The following PDGFD variants were observed in gnomAD, a reference collection of about 807,000 sequenced individuals.
PDGFD encodes platelet derived growth factor D, also known as platelet-derived growth factor D.
In PDGFD, 30 loss-of-function variants were observed where a neutral mutation model predicts 44.7. The observed-to-expected ratio is 0.67, with a 90% CI of 0.50 to 0.91. The LOEUF (loss-of-function observed/expected upper bound fraction) is 0.91, where lower values mean the gene tolerates loss of function less well. Among genes scored for constraint, PDGFD ranks in the 40% least tolerant of loss-of-function variants. PDGFD has a pLI of 0.00. For synonymous variants in PDGFD, 173 were observed against 168.4 expected (o/e 1.03, Z -0.21); for missense variants, 445 against 457.8 (o/e 0.97, Z 0.25).
chr11:104,013,214 A>C (rs1280413053), intron 1 of PDGFD, among the ~76,000 whole-genome samples: 2 of 152,104 alleles, frequency 1.3e-5, no homozygotes, highest in Admixed American at 1.3e-4. Context: ...CCTGCTCCCC[A>C]TCCTGCTGAG....
intron 1 of PDGFD, among the ~76,000 whole-genome samples, chr11:104,110,550 A>T (rs922310617): frequency 6.6e-6 from 1 of 151,752 alleles, no homozygotes; most frequent in African/African-American, 2.4e-5. Context: ...AGGTCATACT[A>T]CATACTACAT....
intron 3 of PDGFD, among the ~76,000 whole-genome samples, chr11:103,995,445 A>G (rs959246747): frequency 1.3e-5 from 2 of 152,216 alleles, no homozygotes; most frequent in Admixed American, 6.5e-5. Context: ...AGTCAGAACC[A>G]TTTACAGTTG....
chr11:104,096,837 T>C (rs2515080), intron 1 of PDGFD, among the ~76,000 whole-genome samples: 107,190 of 152,026 alleles, frequency 0.71, 38,132 homozygotes, highest in East Asian at 0.98. Context: ...AGCTCCTTCT[T>C]CAAAGGGTAT....
chr11:103,933,965 T>C (rs572554260), intron 5 of PDGFD, among the ~76,000 whole-genome samples: 16 of 152,302 alleles, frequency 1.1e-4, no homozygotes, highest in African/African-American at 3.8e-4. Flanking sequence ...GTATAAAGCA[T>C]ATCTATGAAA....
At chr11:104,012,738 T>TGGGTTGGTGGGGCTCCACTTC (rs1440235533) in intron 1 of PDGFD, among the ~76,000 whole-genome samples, 3 of 152,244 alleles carry the variant, frequency 2.0e-5, no homozygotes, top group Admixed American at 2.0e-4. Flanking sequence ...ATGTCCACTT[T>TGGGTTGGTGGGGCTCCACTTC]GGGTTGGTGG....
At chr11:104,020,197 A>G (rs114563433) in intron 1 of PDGFD, among the ~76,000 whole-genome samples, 5,241 of 152,238 alleles carry the variant, frequency 0.034, 320 homozygotes, top group African/African-American at 0.12. Flanking sequence ...GGAGACATAT[A>G]CTTAATGCTG....
chr11:104,152,181 C>G (rs1862256563), intron 1 of PDGFD, among the ~76,000 whole-genome samples: 1 of 152,106 alleles, frequency 6.6e-6, no homozygotes, highest in Admixed American at 6.6e-5. Context: ...AGAATAAAAA[C>G]TATAAGGCCA....
chr11:104,036,602 C>T (rs886335332), intron 1 of PDGFD: 3 of 580,912 alleles, frequency 5.2e-6, no homozygotes, highest in South Asian at 2.1e-5. Flanking sequence ...TGGAACACAA[C>T]GTGCTACCTC....
intron 1 of PDGFD, among the ~76,000 whole-genome samples, chr11:104,092,845 A>G (rs1861230582): frequency 3.9e-5 from 6 of 152,180 alleles, no homozygotes; most frequent in Admixed American, 3.9e-4. Context: ...GATTTTCAAC[A>G]TTTGTCCTGC....
chr11:103,958,436 A>T (rs996016247), intron 3 of PDGFD, among the ~76,000 whole-genome samples: 1 of 152,216 alleles, frequency 6.6e-6, no homozygotes, highest in African/African-American at 2.4e-5. Context: ...TTTATTAAAG[A>T]TTGTACTTTT....
chr11:104,055,807 G>A (rs568494754), intron 1 of PDGFD, among the ~76,000 whole-genome samples: 5 of 152,176 alleles, frequency 3.3e-5, no homozygotes, highest in Middle Eastern at 3.4e-3. Flanking sequence ...TAATGGAACC[G>A]TTGCCATAGA....
chr11:103,940,143 C>T (rs1858561590), intron 5 of PDGFD, among the ~76,000 whole-genome samples: 1 of 152,080 alleles, frequency 6.6e-6, no homozygotes, highest in South Asian at 2.1e-4. Context: ...AAAAAGCTCA[C>T]TTACCACCTC....
chr11:103,966,649 C>A (rs1859024920), intron 3 of PDGFD, among the ~76,000 whole-genome samples: 1 of 152,148 alleles, frequency 6.6e-6, no homozygotes, highest in East Asian at 1.9e-4. Context: ...TTAGCCTGGA[C>A]TCCATATTCT....
At chr11:103,953,773 A>C (rs1382325097) in intron 3 of PDGFD, among the ~76,000 whole-genome samples, 2 of 152,218 alleles carry the variant, frequency 1.3e-5, no homozygotes, top group Non-Finnish European at 2.9e-5. Context: ...ATTCCCTGGT[A>C]GGAAATAAAA....
intron 1 of PDGFD, among the ~76,000 whole-genome samples, chr11:104,108,062 G>GGC (rs1861495638): frequency 6.6e-6 from 1 of 151,970 alleles, no homozygotes. Context: ...CAATCAACAA[G>GGC]GCTTTTAAAT....
intron 1 of PDGFD, among the ~76,000 whole-genome samples, chr11:104,022,587 T>C (rs577462294): frequency 2.6e-5 from 4 of 152,242 alleles, no homozygotes; most frequent in South Asian, 2.1e-4. Context: ...AAACTGACCT[T>C]ACAATTTACA....
intron 1 of PDGFD, among the ~76,000 whole-genome samples, chr11:104,102,746 C>A (rs1861408635): frequency 6.6e-6 from 1 of 152,046 alleles, no homozygotes; most frequent in Admixed American, 6.6e-5. Context: ...TACTATGCAG[C>A]CATAAAAAAG....
intron 6 of PDGFD, among the ~76,000 whole-genome samples, chr11:103,916,497 A>G (rs1401065096): frequency 1.3e-5 from 2 of 152,246 alleles, no homozygotes; most frequent in Non-Finnish European, 2.9e-5. Context: ...GTGGGAATGT[A>G]AATTAGTTCA....
At chr11:104,133,523 GA>G (rs1247368609) in intron 1 of PDGFD, among the ~76,000 whole-genome samples, 4 of 152,146 alleles carry the variant, frequency 2.6e-5, no homozygotes, top group African/African-American at 4.8e-5. Flanking sequence ...TCTAGCACAA[GA>G]GATGAAGATG....
Sources: allele counts gnomAD v4.1 joint callset (sites outside exome capture counted in the v4.1 genomes callset), GRCh38; gene constraint gnomAD v4.1.1; transcripts MANE v1.5; gene names NCBI Gene and HGNC (gene_info 2026-07-23, HGNC 2026-07-21).